Variants in ATP6V1E1 observed in about 807,000 individuals in gnomAD.
ATP6V1E1 encodes the protein ATPase H+ transporting V1 subunit E1.
In ATP6V1E1, 21 loss-of-function variants were observed where a neutral mutation model predicts 35.2. The observed-to-expected ratio is 0.60, with a 90% confidence interval of 0.42 to 0.86. ATP6V1E1 has a LOEUF of 0.86. ATP6V1E1 is among the 40% of genes least tolerant of loss of function. The pLI is 0.00. For synonymous variants in ATP6V1E1, 83 were observed against 87.8 expected (o/e 0.95, Z 0.30); for missense variants, 183 against 272.6 (o/e 0.67, Z 2.32).
chr22:17,619,610 G>T, intron 1 of ATP6V1E1, 84 bp from the exon 2 acceptor site: 3 of 1,214,176 alleles, frequency 2.5e-6, no homozygotes, highest in Non-Finnish European at 3.5e-6. Context: ...TCATAGGTAG[G>T]TGCAGTGGCT....
At chr22:17,607,989 C>T (rs1042296481) in intron 4 of ATP6V1E1, among the ~76,000 whole-genome samples, 4 of 152,134 alleles carry the variant, frequency 2.6e-5, no homozygotes, top group Admixed American at 1.3e-4. Flanking sequence ...CTCTGTTTCC[C>T]GCACATGTCA....
At chr22:17,594,754 G>C (rs1476260249) in intron 7 of ATP6V1E1, 138 bp from the exon 8 acceptor site, 1 of 629,560 alleles carries the variant, frequency 1.6e-6, no homozygotes, top group Non-Finnish European at 2.4e-6. Context: ...GAAAGGAACT[G>C]AAAAAGCTTC....
chr22:17,620,892 T>G (rs1004185043), intron 1 of ATP6V1E1, among the ~76,000 whole-genome samples: 2 of 152,006 alleles, frequency 1.3e-5, no homozygotes, highest in Non-Finnish European at 2.9e-5. Context: ...TGAAACCCCA[T>G]CTCTACTAAA....
At chr22:17,626,722 G>C (rs1367391778) in intron 1 of ATP6V1E1, among the ~76,000 whole-genome samples, 1 of 152,086 alleles carries the variant, frequency 6.6e-6, no homozygotes, top group African/African-American at 2.4e-5. Context: ...TAGAGACAGG[G>C]TTTTGCCACG....
intron 7 of ATP6V1E1, 107 bp downstream of exon 7, chr22:17,598,087 T>C (rs2057741647): frequency 1.2e-6 from 1 of 851,916 alleles, no homozygotes; most frequent in Admixed American, 2.0e-5. Context: ...TAGCCTTGTG[T>C]CTAAGAGTGC....
chr22:17,623,405 G>A (rs192960768), intron 1 of ATP6V1E1, among the ~76,000 whole-genome samples: 28 of 152,258 alleles, frequency 1.8e-4, no homozygotes, highest in Non-Finnish European at 3.8e-4. Flanking sequence ...AACTAGCCGG[G>A]CTCACGCCTG....
intron 6 of ATP6V1E1, 31 bp from the exon 7 acceptor site, chr22:17,598,319 A>C: frequency 6.5e-7 from 1 of 1,528,062 alleles, no homozygotes; most frequent in Non-Finnish European, 9.1e-7. Flanking sequence ...GAGAGGTGTC[A>C]CTAGGAACTA....
intron 6 of ATP6V1E1, among the ~76,000 whole-genome samples, chr22:17,599,507 G>C (rs1018890043): frequency 6.8e-6 from 1 of 147,372 alleles, no homozygotes; most frequent in African/African-American, 2.5e-5. Flanking sequence ...ACCCGGGGGG[G>C]CAGAGGTTGC....
intron 4 of ATP6V1E1, among the ~76,000 whole-genome samples, chr22:17,608,985 G>A (rs1307897041): frequency 6.6e-6 from 1 of 151,922 alleles, no homozygotes; most frequent in Non-Finnish European, 1.5e-5. Context: ...ACTCAAGGAG[G>A]CTGAGGCAGG....
chr22:17,603,572 G>C (rs1316479961), intron 4 of ATP6V1E1, among the ~76,000 whole-genome samples: 1 of 152,088 alleles, frequency 6.6e-6, no homozygotes, highest in Non-Finnish European at 1.5e-5. Context: ...CCAGCACTTT[G>C]AGAGACCAAG....
chr22:17,622,909 T>G (rs1424552382), intron 1 of ATP6V1E1, among the ~76,000 whole-genome samples: 1 of 152,034 alleles, frequency 6.6e-6, no homozygotes, highest in Non-Finnish European at 1.5e-5. Flanking sequence ...GAGGTTGTGG[T>G]AGGCATAGAT....
intron 4 of ATP6V1E1, among the ~76,000 whole-genome samples, chr22:17,605,851 G>A (rs1428540044): frequency 6.6e-6 from 1 of 151,840 alleles, no homozygotes; most frequent in Non-Finnish European, 1.5e-5. Context: ...GTAGAGACAA[G>A]GTCTTACTGT....
chr22:17,617,872 C>T (rs1198416852), intron 2 of ATP6V1E1, among the ~76,000 whole-genome samples: 2 of 152,204 alleles, frequency 1.3e-5, no homozygotes, highest in African/African-American at 4.8e-5. Context: ...TGCAGTGGCA[C>T]GATCTCTGCT....
chr22:17,618,090 G>A (rs1010463721), intron 2 of ATP6V1E1, among the ~76,000 whole-genome samples: 1 of 152,158 alleles, frequency 6.6e-6, no homozygotes, highest in Non-Finnish European at 1.5e-5. Context: ...GATTACAGGC[G>A]TGAGCCACCA....
Position 17,612,831 on chromosome 22 carries a change from G to C in ATP6V1E1, c.257C>G (p.Ala86Gly). Reference protein sequence around the residue: ...MNQARLKVLRARDDLITDLLN... With the variant: ...MNQARLKVLRGRDDLITDLLN... ...ACTCACTGTGATAAGGTCATCTCTT[G>C]CTCTGAGGACTTTGAGTCTCGCTTG... Residue 86 changes from alanine (A) to glycine (G), a missense_variant, in exon 4 of 9, where the codon GCA becomes GGA. By Grantham distance (60) the Ala-to-Gly change is moderately conservative. Coordinates refer to ENST00000253413, the MANE Select transcript of ATP6V1E1 (RefSeq NM_001696.4). 6.2e-7 allele frequency: 1 copy of C among 1,608,072 alleles called. No homozygotes were observed. Among genetic ancestry groups the C allele is most frequent in the Non-Finnish European group, 8.5e-7 (1 of 1,178,862 alleles).
intron 3 of ATP6V1E1, 30 bp from the exon 4 acceptor site, chr22:17,612,908 G>C (rs1439367727): frequency 6.3e-7 from 1 of 1,577,772 alleles, no homozygotes. Flanking sequence ...AATAGCATTA[G>C]TAACAACTTA....
intron 7 of ATP6V1E1, among the ~76,000 whole-genome samples, chr22:17,596,731 A>G (rs542966262): frequency 6.6e-6 from 1 of 152,228 alleles, no homozygotes; most frequent in East Asian, 1.9e-4. Flanking sequence ...CTCTGACAGC[A>G]TATCTTATGA....
chr22:17,627,825 A>G (rs1168803210), intron 1 of ATP6V1E1, among the ~76,000 whole-genome samples: 1 of 150,166 alleles, frequency 6.7e-6, no homozygotes, highest in African/African-American at 2.4e-5. Context: ...TCTCAAAAAA[A>G]AAAAAAAGAA....
intron 7 of ATP6V1E1, 130 bp downstream of exon 7, chr22:17,598,064 T>TACA: frequency 4.2e-6 from 3 of 714,694 alleles, no homozygotes; most frequent in Non-Finnish European, 7.2e-6. Flanking sequence ...GCAAGTAGAA[T>TACA]ACACCACAGC....
Sources: allele counts gnomAD v4.1 joint callset (sites outside exome capture counted in the v4.1 genomes callset), GRCh38; gene constraint gnomAD v4.1.1; transcripts MANE v1.5; gene names NCBI Gene and HGNC (gene_info 2026-07-23, HGNC 2026-07-21).